SPNS2: variants seen among roughly 807,000 people sequenced by gnomAD.
SPNS2 encodes the protein SPNS lysolipid transporter 2, sphingosine-1-phosphate.
In SPNS2, 37 loss-of-function variants were observed where a neutral mutation model predicts 57.6. That is an observed-to-expected ratio of 0.64 (90% CI 0.49 to 0.85). The LOEUF (loss-of-function observed/expected upper bound fraction) is 0.85, where lower values mean the gene tolerates loss of function less well. Ranked by LOEUF, SPNS2 falls within the 40% of genes least tolerant of loss-of-function variation. The probability of loss-of-function intolerance (pLI) is 0.00; values close to 1 mark genes in which losing one functional copy is unlikely to be tolerated. For missense variants in SPNS2, 831 were observed against 779.1 expected, an observed-to-expected ratio of 1.07 and a Z score of -0.79; for synonymous variants, 440 against 346.9, an observed-to-expected ratio of 1.27 and a Z score of -2.98.
chr17:4,530,152 C>A (rs117352931), intron 3 of SPNS2, among the ~76,000 whole-genome samples: 2 of 151,840 alleles, frequency 1.3e-5, no homozygotes, highest in South Asian at 2.1e-4. Context: ...TCCCTGCCAA[C>A]GCCCCACTCC....
chr17:4,514,562 A>G (rs1382745004), intron 2 of SPNS2, among the ~76,000 whole-genome samples: 1 of 152,184 alleles, frequency 6.6e-6, no homozygotes, highest in Non-Finnish European at 1.5e-5. Flanking sequence ...TCTCAGGCTC[A>G]AGTGAGACTT....
At chr17:4,507,615 A>G (rs1904716805) in intron 1 of SPNS2, among the ~76,000 whole-genome samples, 1 of 152,254 alleles carries the variant, frequency 6.6e-6, no homozygotes, top group African/African-American at 2.4e-5. Flanking sequence ...CAGCAGAGAA[A>G]GTGGGAAAAC....
intron 11 of SPNS2, 136 bp from the exon 12 acceptor site, chr17:4,536,764 A>C (rs1459893157): frequency 1.6e-5 from 12 of 736,922 alleles, no homozygotes; most frequent in Non-Finnish European, 2.6e-5. Flanking sequence ...GGGCTCTCCC[A>C]TCTCCCCCTG....
chr17:4,535,153 G>C (rs959359481), intron 9 of SPNS2, among the ~76,000 whole-genome samples: 3 of 152,108 alleles, frequency 2.0e-5, no homozygotes, highest in Non-Finnish European at 4.4e-5. Flanking sequence ...AGAGCTGGCT[G>C]TGCCTGTCCC....
intron 3 of SPNS2, among the ~76,000 whole-genome samples, chr17:4,527,057 C>T (rs1905278499): frequency 6.6e-6 from 1 of 152,190 alleles, no homozygotes; most frequent in South Asian, 2.1e-4. Flanking sequence ...CATGCCAGGT[C>T]CGGGTCCATC....
intron 3 of SPNS2, 39 bp from the exon 4 acceptor site, chr17:4,530,593 G>C: frequency 6.3e-7 from 1 of 1,588,704 alleles, no homozygotes; most frequent in Non-Finnish European, 8.6e-7. Context: ...GCAGACGGTG[G>C]GTAGTCGGTC....
chr17:4,531,897 G>A (rs1905493209), intron 5 of SPNS2, among the ~76,000 whole-genome samples: 1 of 152,148 alleles, frequency 6.6e-6, no homozygotes, highest in South Asian at 2.1e-4. Flanking sequence ...AGATCCAAAA[G>A]GGCTCGGGAG....
chr17:4,514,129 A>G (rs1392818518), intron 2 of SPNS2, among the ~76,000 whole-genome samples: 1 of 152,248 alleles, frequency 6.6e-6, no homozygotes, highest in African/African-American at 2.4e-5. Context: ...CTTAGCAGCA[A>G]CCTTCAGGCC....
intron 2 of SPNS2, among the ~76,000 whole-genome samples, chr17:4,523,993 T>A (rs564972914): frequency 1.6e-4 from 25 of 152,190 alleles, no homozygotes; most frequent in African/African-American, 6.0e-4. Flanking sequence ...TACAAAAAAA[T>A]TGTTGTTGTT....
At chr17:4,518,717 C>G (rs959900092) in intron 2 of SPNS2, among the ~76,000 whole-genome samples, 28 of 152,254 alleles carry the variant, frequency 1.8e-4, no homozygotes, top group African/African-American at 6.3e-4. Flanking sequence ...CAGCTCAAAC[C>G]GAAACCAGAC....
chr17:4,511,191 C>T lies in SPNS2; in HGVS notation c.371-2056C>T, dbSNP rs993097563. 3.3e-5 allele frequency among the ~76,000 whole-genome samples: 5 copies of T among 152,146 alleles called. No homozygotes were observed. The highest frequency in any genetic ancestry group is 7.4e-5 in the Non-Finnish European group (5 of 68,018). On this transcript the variant is annotated intron_variant, in intron 1 of 12. Coordinates refer to ENST00000329078, the MANE Select transcript of SPNS2 (RefSeq NM_001124758.3). This position sits in a 1 kb window ranked among gnomAD's most constrained non-coding sequence, Gnocchi z 4.6. ...CATCCTGGTAGGCCCAGTGCTAAAA[C>T]GAGTTTGGACAGGGGAAGAGTGGGG...
chr17:4,530,993 G>T, intron 4 of SPNS2, 60 bp from the exon 5 acceptor site: 1 of 1,590,450 alleles, frequency 6.3e-7, no homozygotes. Context: ...CAGACCAGCG[G>T]GCACTCCCTG....
In SPNS2 at chr17:4,533,225, C is replaced by T. The variant is rs759354532; in HGVS notation, c.1089-18C>T. ...TGAGCCGCCTCAACTCGTGCGCCAC[C>T]ATCCTCTGTCCCCACAGCCTCATCT... On this transcript the variant is annotated intron_variant, in intron 7 of 12. Coordinates refer to ENST00000329078, the MANE Select transcript of SPNS2 (RefSeq NM_001124758.3). The T allele has an allele frequency of 6.3e-7, 1 of 1,587,608 alleles. No homozygotes were observed. Among genetic ancestry groups the T allele is most frequent in the Non-Finnish European group, 8.6e-7 (1 of 1,163,234 alleles).
intron 1 of SPNS2, among the ~76,000 whole-genome samples, chr17:4,505,789 G>C (rs193041254): frequency 6.6e-6 from 1 of 152,324 alleles, no homozygotes; most frequent in East Asian, 1.9e-4. Flanking sequence ...ACTAGCCAGA[G>C]CTTGGAGGCT....
rs1348513374 is a variant in SPNS2 at position 4,538,522 on chromosome 17, A to C, written c.*1074A>C. 1.3e-5 allele frequency: 4 copies of C among 311,808 alleles called. No homozygotes were observed. The highest frequency in any genetic ancestry group is 8.9e-5 in the African/African-American group (4 of 44,982). 19.3% of individuals were successfully genotyped at this position (311,808 alleles called of 1,614,324 possible). On this transcript the variant is annotated 3_prime_UTR_variant, in exon 13 of 13. Coordinates refer to ENST00000329078, the MANE Select transcript of SPNS2 (RefSeq NM_001124758.3). ...ACCTCCCATCCATGCACACACCAGG[A>C]TGCAGCTGCCAACTTCACACCAGCC...
At chr17:4,502,690 G>C (rs79197483) in intron 1 of SPNS2, among the ~76,000 whole-genome samples, 1 of 152,178 alleles carries the variant, frequency 6.6e-6, no homozygotes, top group East Asian at 1.9e-4. Flanking sequence ...ACTGTATCTC[G>C]AGCACCTGGG....
At position 4,538,571 on chromosome 17, in the gene SPNS2, GC is replaced by G. The variant is rs1750045141; in HGVS notation, c.*1128del. The stretch of plus-strand genomic sequence containing the variant: ...CCCCAACCCGCTTTGGGGGAGCTTA[GC>G]CCCCTGCGTCACCCACTCCCTGCAC... On this transcript the variant is annotated 3_prime_UTR_variant, in exon 13 of 13. Transcript: ENST00000329078. 5.3e-6 allele frequency: 2 copies of G among 375,372 alleles called. No homozygotes were observed. The highest frequency in any genetic ancestry group is 9.9e-6 in the Non-Finnish European group (2 of 202,896). 23.3% of individuals were successfully genotyped at this position (375,372 alleles called of 1,614,324 possible). A position where few individuals can be genotyped will look rare whatever the true frequency, so the allele number is the denominator to read the frequency against.
intron 8 of SPNS2, 58 bp from the exon 9 acceptor site, chr17:4,533,730 A>G: frequency 6.3e-7 from 1 of 1,588,356 alleles, no homozygotes; most frequent in South Asian, 1.1e-5. Flanking sequence ...GGGAACAGAG[A>G]CTGTGGTTGC....
chr17:4,514,996 C>T (rs546687898), intron 2 of SPNS2, among the ~76,000 whole-genome samples: 242 of 152,342 alleles, frequency 1.6e-3, no homozygotes, highest in African/African-American at 5.5e-3. Flanking sequence ...CCCCACGCAT[C>T]CTCCATTTAA....
Sources: gnomAD v4.1 joint callset for allele counts (sites outside exome capture counted in the v4.1 genomes callset) on GRCh38, gnomAD v4.1.1 for gene constraint, Gnocchi (gnomAD v3.1) non-coding constraint, MANE v1.5 for transcripts, NCBI Gene and HGNC (gene_info 2026-07-23, HGNC 2026-07-21) for gene names.